ITGAM: variants seen among roughly 807,000 people sequenced by gnomAD.
ITGAM encodes integrin alpha-M.
ITGAM carries 79 observed loss-of-function variants against 137.5 expected under a neutral mutation model. That is an observed-to-expected ratio of 0.57 (90% CI 0.48 to 0.69). ITGAM has a LOEUF of 0.69. Ranked by LOEUF, ITGAM falls within the 30% of genes least tolerant of loss-of-function variation. ITGAM has a pLI of 0.00. For missense variants in ITGAM, 1,343 were observed against 1,483.5 expected, an observed-to-expected ratio of 0.91 and a Z score of 1.56; for synonymous variants, 583 against 592.3, an observed-to-expected ratio of 0.98 and a Z score of 0.23.
At chr16:31,273,284 A>C in intron 7 of ITGAM, 81 bp from the exon 8 acceptor site, 1 of 1,207,334 alleles carries the variant, frequency 8.3e-7, no homozygotes, top group Non-Finnish European at 1.2e-6. Context: ...TAACAGAGTG[A>C]GTGTCTATTT....
chr16:31,328,842 T>A (rs536539592), intron 23 of ITGAM, among the ~76,000 whole-genome samples: 1 of 146,924 alleles, frequency 6.8e-6, no homozygotes, highest in South Asian at 2.2e-4. Flanking sequence ...GGGTGTGTAT[T>A]TGTGCATGTG....
chr16:31,282,150 A>G (rs944208225), intron 12 of ITGAM, among the ~76,000 whole-genome samples: 19 of 152,252 alleles, frequency 1.2e-4, no homozygotes, highest in Admixed American at 2.6e-4. Flanking sequence ...TATGTGGTCA[A>G]TTTTGTAATA....
intron 12 of ITGAM, among the ~76,000 whole-genome samples, chr16:31,287,179 T>C (rs1475635789): frequency 6.6e-6 from 1 of 152,164 alleles, no homozygotes; most frequent in Non-Finnish European, 1.5e-5. Context: ...TTATTGAAGA[T>C]CAGGTGGTTA....
intron 12 of ITGAM, among the ~76,000 whole-genome samples, chr16:31,286,964 A>G (rs2080035412): frequency 6.6e-6 from 1 of 152,222 alleles, no homozygotes; most frequent in Non-Finnish European, 1.5e-5. Flanking sequence ...CAATGATTTT[A>G]ATAGTTCGAG....
At chr16:31,297,407 C>A in intron 12 of ITGAM, 107 bp from the exon 13 acceptor site, 2 of 1,418,126 alleles carry the variant, frequency 1.4e-6, no homozygotes, top group Non-Finnish European at 2.0e-6. Flanking sequence ...ATCACATCTG[C>A]TCCAGAGGGA....
At chr16:31,303,215 T>C (rs1490932483) in intron 14 of ITGAM, among the ~76,000 whole-genome samples, 1 of 150,666 alleles carries the variant, frequency 6.6e-6, no homozygotes, top group Non-Finnish European at 1.5e-5. Flanking sequence ...CAATTTTTTG[T>C]AGAGATGAAG....
intron 14 of ITGAM, among the ~76,000 whole-genome samples, chr16:31,321,003 G>A (rs1268867197): frequency 6.6e-6 from 1 of 152,020 alleles, no homozygotes; most frequent in African/African-American, 2.4e-5. Context: ...TGAGACCCCC[G>A]TTTTTATTTT....
At chr16:31,294,782 A>G (rs768887041) in intron 12 of ITGAM, among the ~76,000 whole-genome samples, 21 of 152,118 alleles carry the variant, frequency 1.4e-4, no homozygotes, top group Non-Finnish European at 2.9e-4. Context: ...GTCATATCCA[A>G]AAAATCATTT....
At chr16:31,301,468 T>C (rs536509056) in intron 14 of ITGAM, among the ~76,000 whole-genome samples, 2 of 152,324 alleles carry the variant, frequency 1.3e-5, no homozygotes, top group East Asian at 1.9e-4. Flanking sequence ...GTACTATAAC[T>C]TTGTCATTTA....
chr16:31,296,322 A>G (rs1296070703), intron 12 of ITGAM, among the ~76,000 whole-genome samples: 2 of 149,268 alleles, frequency 1.3e-5, no homozygotes, highest in East Asian at 2.0e-4. Flanking sequence ...CATGATTTCC[A>G]GGTTGGTCTC....
chr16:31,275,528 G>A (rs577593327), intron 8 of ITGAM, 21 bp from the exon 9 acceptor site: 1 of 1,612,672 alleles, frequency 6.2e-7, no homozygotes, highest in South Asian at 1.1e-5. Context: ...CCATGATTTA[G>A]CCTCTGTTCC....
intron 12 of ITGAM, among the ~76,000 whole-genome samples, chr16:31,291,275 T>G (rs1267350923): frequency 6.6e-6 from 1 of 152,190 alleles, no homozygotes; most frequent in East Asian, 1.9e-4. Context: ...TCTCGACTAT[T>G]GTGAATAGTG....
intron 12 of ITGAM, among the ~76,000 whole-genome samples, chr16:31,289,379 G>A (rs1456690020): frequency 6.6e-6 from 1 of 152,156 alleles, no homozygotes; most frequent in African/African-American, 2.4e-5. Context: ...CGATAGACTG[G>A]ATTAAGAAAA....
chr16:31,330,559 C>T lies in ITGAM; in HGVS notation c.3230C>T (p.Ser1077Phe). 4 of 1,613,260 alleles carry T rather than the reference C, an allele frequency of 2.5e-6. No individual in the cohort carries two copies. Among genetic ancestry groups the T allele is most frequent in the Non-Finnish European group, 3.4e-6 (4 of 1,179,448 alleles). Reference sequence around the variant, plus strand: ...ACAGCTGAGATCTTGTTTAACGATTCCGTGTTCACCCTGCTGCCGGGACAG... The same window carrying T: ...ACAGCTGAGATCTTGTTTAACGATTTCGTGTTCACCCTGCTGCCGGGACAG... ...VSTAEILFND[S>F]VFTLLPGQGA... The change falls in exon 28 of 30, where the codon TCC becomes TTC. Residue 1077 changes from serine to phenylalanine, a missense_variant. Ser to Phe is a radical substitution (Grantham distance 155). Transcript: ENST00000544665.
chr16:31,275,086 A>G (rs1420819600), intron 8 of ITGAM, among the ~76,000 whole-genome samples: 1 of 152,176 alleles, frequency 6.6e-6, no homozygotes, highest in East Asian at 1.9e-4. Flanking sequence ...AAGGGGGCAG[A>G]TGACTCCACC....
intron 21 of ITGAM, among the ~76,000 whole-genome samples, chr16:31,326,388 C>A (rs1176003351): frequency 1.3e-5 from 2 of 152,058 alleles, no homozygotes; most frequent in African/African-American, 4.8e-5. Context: ...ATGTCAGTAC[C>A]TCATTGCTTT....
chr16:31,259,979 C>G lies in ITGAM; in HGVS notation c.-86C>G, dbSNP rs1393682507. On this transcript the variant is annotated 5_prime_UTR_variant, in exon 1 of 30. Transcript: ENST00000544665. ...CTCCTACTTCTCCTTTTCTGCCCTT[C>G]TTTGCTTTGGTGGCTTCCTTGTGGT... 8.4e-6 allele frequency: 10 copies of G among 1,195,628 alleles called. No homozygotes were observed. The highest frequency in any genetic ancestry group is 1.2e-5 in the Non-Finnish European group (10 of 821,262). 74.1% of individuals were successfully genotyped at this position (1,195,628 alleles called of 1,614,324 possible).
chr16:31,329,453 TACAC>T (rs1381145129), intron 24 of ITGAM, 150 bp downstream of exon 24: 5 of 679,738 alleles, frequency 7.4e-6, no homozygotes, highest in Non-Finnish European at 8.0e-6. Flanking sequence ...TATGCACACA[TACAC>T]GCACGTATGT....
At chr16:31,292,492 A>G (rs566489708) in intron 12 of ITGAM, among the ~76,000 whole-genome samples, 15 of 152,170 alleles carry the variant, frequency 9.9e-5, no homozygotes, top group African/African-American at 3.6e-4. Flanking sequence ...TTTAGCTCCC[A>G]CTAATAAGTG....
Sources: gnomAD v4.1 joint callset for allele counts (sites outside exome capture counted in the v4.1 genomes callset) on GRCh38, gnomAD v4.1.1 for gene constraint, MANE v1.5 for transcripts, NCBI Gene and HGNC (gene_info 2026-07-23, HGNC 2026-07-21) for gene names.